PTCH1: variants seen among roughly 807,000 people sequenced by gnomAD.
PTCH1 encodes protein patched homolog 1.
A neutral mutation model predicts 144.6 loss-of-function variants in PTCH1; 14 were observed. That is an observed-to-expected ratio of 0.10 (90% CI 0.06 to 0.15). The LOEUF (loss-of-function observed/expected upper bound fraction) is 0.15. Ranked by LOEUF, PTCH1 falls within the 10% of genes least tolerant of loss-of-function variation. The pLI is 1.00. For synonymous variants in PTCH1, 833 were observed against 793.6 expected (o/e 1.05, Z -0.83); for missense variants, 1,623 against 1,948.3 (o/e 0.83, Z 3.14).
upstream of PTCH1, among the ~76,000 whole-genome samples, chr9:95,510,419 G>A (rs1844087412): frequency 6.6e-6 from 1 of 152,228 alleles, no homozygotes; most frequent in African/African-American, 2.4e-5. Flanking sequence ...GCATCCCGGG[G>A]ATTCGCTTCC....
chr9:95,491,220 T>C (rs969061879), intron 2 of PTCH1, among the ~76,000 whole-genome samples: 1 of 152,188 alleles, frequency 6.6e-6, no homozygotes, highest in Non-Finnish European at 1.5e-5. Context: ...TCTTTGGAAA[T>C]ATTTTGATCA....
intron 2 of PTCH1, among the ~76,000 whole-genome samples, chr9:95,493,595 GT>G (rs1364735437): frequency 1.3e-5 from 2 of 152,186 alleles, no homozygotes; most frequent in African/African-American, 4.8e-5. Context: ...GGAAAATAGG[GT>G]CTGTGTATAT....
chr9:95,456,390 C>T lies in PTCH1; in HGVS notation c.3192G>A (p.Thr1064=), dbSNP rs751797047. 3.8e-5 allele frequency: 61 copies of T among 1,613,836 alleles called. No individual in the cohort carries two copies. In the South Asian group the frequency reaches 4.5e-4, roughly 12 times the overall value. The stretch of plus-strand genomic sequence containing the variant: ...GGCCCATCATGCCGAACAGCTCGAC[C>T]GTCATCAGCGCCAGGACCATCACCT... ...GIIVMVLALM[T]VELFGMMGLI... The change falls in exon 19 of 24, where the codon ACG becomes ACA. Residue 1064 remains threonine (T), a synonymous_variant. Coordinates refer to ENST00000331920, the MANE Select transcript of PTCH1 (RefSeq NM_000264.5).
chr9:95,506,727 A>C (rs1843682885), intron 1 of PTCH1, 128 bp from the exon 2 acceptor site: 12 of 1,097,870 alleles, frequency 1.1e-5, no homozygotes, highest in Non-Finnish European at 1.4e-5. Flanking sequence ...CGGCACACGG[A>C]CTCGCCCTCG....
intron 13 of PTCH1, 81 bp downstream of exon 13, chr9:95,469,732 T>C (rs963340562): frequency 3.7e-6 from 5 of 1,337,420 alleles, no homozygotes; most frequent in Non-Finnish European, 5.4e-6. Context: ...CACATTCCTT[T>C]ATAAGTCCAC....
At chr9:95,497,775 T>C (rs1688484316) in intron 2 of PTCH1, among the ~76,000 whole-genome samples, 1 of 152,210 alleles carries the variant, frequency 6.6e-6, no homozygotes, top group African/African-American at 2.4e-5. Flanking sequence ...CCAATTCAAG[T>C]TGCTATTCTT....
At chr9:95,479,177 A>T in intron 7 of PTCH1, 30 bp from the exon 8 acceptor site, 2 of 1,613,970 alleles carry the variant, frequency 1.2e-6, no homozygotes, top group Non-Finnish European at 1.7e-6. Context: ...AAGGCACATC[A>T]TCAGTATTCC....
In PTCH1 at chr9:95,508,559, T is replaced by C. The variant is rs544138309; in HGVS notation, c.-198A>G. ...CTCACACGGCGGGCGCTGCTGCCGC[T>C]GCGGCCGCGGCCGCTGCCGGGGAGT... On this transcript the variant is annotated 5_prime_UTR_variant, in exon 1 of 24. Transcript: ENST00000331920. 7,496 of 1,004,688 alleles carry C rather than the reference T, an allele frequency of 7.5e-3. 46 individuals are homozygous for C. The highest frequency in any genetic ancestry group is 7.7e-3 in the Admixed American group (131 of 16,962). 62.2% of individuals were successfully genotyped at this position (1,004,688 alleles called of 1,614,324 possible).
At chr9:95,511,306 G>T (rs763834236), upstream of PTCH1, among the ~76,000 whole-genome samples, 1 of 149,816 alleles carries the variant, frequency 6.7e-6, no homozygotes, top group African/African-American at 2.4e-5. Flanking sequence ...CCCTCGCCCC[G>T]CTCCCTCCCT....
intron 1 of PTCH1, 99 bp from the exon 2 acceptor site, chr9:95,506,698 G>A (rs1564088706): frequency 8.4e-7 from 1 of 1,196,070 alleles, no homozygotes. Flanking sequence ...CCCAACAGCC[G>A]TGGGGGCGCG....
chr9:95,507,505 T>C, intron 1 of PTCH1: 3 of 945,386 alleles, frequency 3.2e-6, no homozygotes, highest in Non-Finnish European at 3.8e-6. Context: ...AGGTGGCAAT[T>C]TGTTTACAAC....
Position 95,482,120 on chromosome 9 carries a change from A to G in PTCH1, c.654+14T>C. On this transcript the variant is annotated intron_variant, in intron 4 of 23. Coordinates refer to ENST00000331920, the MANE Select transcript of PTCH1 (RefSeq NM_000264.5). ...TGTTCCTGAGAAATTTTTGCCAACA[A>G]GAAGAAAATATACCTGATCCATGTA... The G allele has an allele frequency of 6.2e-7, 1 of 1,614,028 alleles. No homozygotes were observed. The highest frequency in any genetic ancestry group is 8.5e-7 in the Non-Finnish European group (1 of 1,179,866).
chr9:95,464,248 G>A (rs1839802059), intron 15 of PTCH1, among the ~76,000 whole-genome samples: 1 of 152,182 alleles, frequency 6.6e-6, no homozygotes, highest in Admixed American at 6.5e-5. Context: ...GTAACAAGGG[G>A]CTGGCCTAAG....
At chr9:95,511,759 C>G (rs1195321255), upstream of PTCH1, among the ~76,000 whole-genome samples, 1 of 152,200 alleles carries the variant, frequency 6.6e-6, no homozygotes, top group Non-Finnish European at 1.5e-5. Flanking sequence ...ACTATTCTAG[C>G]TTTTCTTACT....
chr9:95,513,093 C>A (rs967932263), upstream of PTCH1, among the ~76,000 whole-genome samples: 2 of 152,186 alleles, frequency 1.3e-5, no homozygotes, highest in Admixed American at 1.3e-4. Context: ...ACACACATTT[C>A]AAAAATGACA....
At position 95,506,444 on chromosome 9, in the gene PTCH1, C is replaced by A. The variant is rs377575915; in HGVS notation, c.357G>T (p.Ala119=). The A allele has an allele frequency of 6.8e-6, 11 of 1,612,642 alleles. No homozygotes were observed. Among genetic ancestry groups the A allele is most frequent in the Non-Finnish European group, 9.3e-6 (11 of 1,179,530 alleles). ...FGAFAVGLKA[A]NLETNVEELW... ...GCTCCTCCACGTTGGTCTCGAGGTTCGCTGCTTTTAATCCCACCGCGAAGG... is the reference window on the plus strand; with the variant it reads ...GCTCCTCCACGTTGGTCTCGAGGTTAGCTGCTTTTAATCCCACCGCGAAGG... Residue 119 remains alanine (A), a synonymous_variant, in exon 2 of 24, where the codon GCG becomes GCT. Transcript: ENST00000331920.
In PTCH1 at chr9:95,459,688, C is replaced by T. The variant is rs111446700; in HGVS notation, c.2799G>A (p.Ala933=). The T allele has an allele frequency of 7.3e-4, 1,171 of 1,614,168 alleles. 5 individuals carry two copies. In the African/African-American group the frequency reaches 0.012, roughly 17 times the overall value. ...GGATGTTGGCCTGGGAGGCAGCATA[C>T]GCGACGGGGTCGTTGCTGACCCAAG... ...LTAWVSNDPV[A]YAASQANIRP... Residue 933 remains alanine (A), a synonymous_variant, in exon 17 of 24, where the codon GCG becomes GCA. Transcript: ENST00000331920.
chr9:95,474,062 G>T (rs1248099506), intron 12 of PTCH1: 3 of 500,040 alleles, frequency 6.0e-6, no homozygotes, highest in Non-Finnish European at 1.2e-5. Context: ...TCCTCGTAAG[G>T]AAACCTCATG....
In PTCH1 at chr9:95,476,680, G is replaced by A; in HGVS notation, c.1602+79C>T. The A allele has an allele frequency of 7.2e-7, 1 of 1,387,204 alleles. No homozygotes were observed. The highest frequency in any genetic ancestry group is 1.0e-6 in the Non-Finnish European group (1 of 993,968). The allele number at this position is 1,387,204 out of a possible 1,614,324, so 85.9% of individuals were successfully genotyped here. Reference sequence around the variant, plus strand: ...TGAAATCTTTACTGGGTCAGACTGAGGAAAATTAAAGGACAAATACTTAGG... The same window carrying A: ...TGAAATCTTTACTGGGTCAGACTGAAGAAAATTAAAGGACAAATACTTAGG... On this transcript the variant is annotated intron_variant, in intron 11 of 23. Transcript: ENST00000331920. This position sits in a 1 kb window ranked among gnomAD's most constrained non-coding sequence, Gnocchi z 4.6.
Sources: gnomAD v4.1 joint callset for allele counts (sites outside exome capture counted in the v4.1 genomes callset) on GRCh38, gnomAD v4.1.1 for gene constraint, Gnocchi (gnomAD v3.1) non-coding constraint, MANE v1.5 for transcripts, NCBI Gene and HGNC (gene_info 2026-07-23, HGNC 2026-07-21) for gene names.